The following BFSP1 variants were observed in gnomAD, a reference collection of about 807,000 sequenced individuals.
The protein encoded by BFSP1 is beaded filament structural protein 1.
BFSP1 carries 38 observed loss-of-function variants against 43.9 expected under a neutral mutation model. The ratio of observed to expected loss-of-function variants is 0.87; its 90% confidence interval spans 0.67 to 1.14. The LOEUF (loss-of-function observed/expected upper bound fraction) is 1.14, where lower values mean the gene tolerates loss of function less well. Among genes scored for constraint, BFSP1 ranks in the 50% most tolerant of loss-of-function variants. BFSP1 has a pLI of 0.00. For missense variants in BFSP1, 850 were observed against 875.1 expected (o/e 0.97, Z 0.36); for synonymous variants, 352 against 354.8 (o/e 0.99, Z 0.09).
intron 5 of BFSP1, among the ~76,000 whole-genome samples, chr20:17,499,242 ATTTTTTTT>A (rs11339300): frequency 7.7e-6 from 1 of 129,632 alleles, no homozygotes; most frequent in African/African-American, 2.8e-5. Context: ...TCCTTACACA[ATTTTTTTT>A]TTTTTTTTTT....
At chr20:17,519,724 A>G (rs2034278988) in intron 2 of BFSP1, among the ~76,000 whole-genome samples, 1 of 152,188 alleles carries the variant, frequency 6.6e-6, no homozygotes, top group Non-Finnish European at 1.5e-5. Context: ...GTCAATATGT[A>G]TTCTTAAAAT....
In BFSP1 at chr20:17,531,269, C is replaced by A. The variant is rs996305718; in HGVS notation, c.61G>T (p.Ala21Ser). ...RKEQYEHADE[A>S]SRAAEPERPA... is the part of the protein sequence containing the mutation. ...CGCTCGGGCTCGGCGGCGCGCGAAG[C>A]CTCGTCGGCGTGCTCGTACTGCTCC... The change falls in exon 1 of 8, where the codon GCT becomes TCT. Residue 21 changes from alanine (A) to serine (S), a missense_variant. Physicochemically the swap from Ala to Ser is moderately conservative, Grantham distance 99. Coordinates refer to ENST00000377873, the MANE Select transcript of BFSP1 (RefSeq NM_001195.5). The A allele has an allele frequency of 3.4e-6, 5 of 1,452,332 alleles. No individual in the cohort carries two copies. In the African/African-American group the frequency reaches 7.3e-5, roughly 21 times the overall value. 90.0% of individuals were successfully genotyped at this position (1,452,332 alleles called of 1,614,324 possible).
At chr20:17,509,767 C>T (rs56246240) in intron 4 of BFSP1, among the ~76,000 whole-genome samples, 5,647 of 152,290 alleles carry the variant, frequency 0.037, 141 homozygotes, top group Non-Finnish European at 0.061. Context: ...GGAAGTGACG[C>T]TCCAGGGAAT....
chr20:17,534,185 C>T (rs897373072), upstream of BFSP1, among the ~76,000 whole-genome samples: 1 of 152,148 alleles, frequency 6.6e-6, no homozygotes, highest in African/African-American at 2.4e-5. Context: ...GAGACATGTT[C>T]GTAGAGATAG....
chr20:17,498,767 A>G (rs906985732), intron 6 of BFSP1, 53 bp downstream of exon 6: 4 of 1,575,514 alleles, frequency 2.5e-6, no homozygotes, highest in East Asian at 2.3e-5. Context: ...TAGGCACTCA[A>G]TAAAGAGTTG....
chr20:17,510,052 C>T (rs1217867298), intron 4 of BFSP1, among the ~76,000 whole-genome samples: 2 of 152,212 alleles, frequency 1.3e-5, no homozygotes, highest in African/African-American at 4.8e-5. Context: ...CATAGACATA[C>T]AGGAAAGTGA....
chr20:17,530,008 G>A (rs887719768), intron 1 of BFSP1, among the ~76,000 whole-genome samples: 3 of 152,284 alleles, frequency 2.0e-5, no homozygotes, highest in Non-Finnish European at 2.9e-5. Flanking sequence ...CTGTGGGAGG[G>A]GAGACCATGC....
intron 6 of BFSP1, 65 bp from the exon 7 acceptor site, chr20:17,497,088 T>C (rs2033652560): frequency 7.7e-7 from 1 of 1,298,810 alleles, no homozygotes; most frequent in South Asian, 1.5e-5. Context: ...CTCTCGTTAA[T>C]GTTGAGCAAA....
intron 1 of BFSP1, among the ~76,000 whole-genome samples, chr20:17,553,892 T>A (rs2034948973): frequency 6.9e-6 from 1 of 145,196 alleles, no homozygotes; most frequent in East Asian, 2.0e-4. Context: ...TATACACACA[T>A]ATATATTTCT....
chr20:17,537,313 C>G (rs984705290), intron 1 of BFSP1, among the ~76,000 whole-genome samples: 13 of 152,148 alleles, frequency 8.5e-5, no homozygotes, highest in African/African-American at 3.1e-4. Flanking sequence ...AGCCAGGCCT[C>G]TCCATGAGGC....
chr20:17,564,774 A>G (rs935741930), intron 1 of BFSP1, among the ~76,000 whole-genome samples: 1 of 152,092 alleles, frequency 6.6e-6, no homozygotes, highest in Non-Finnish European at 1.5e-5. Flanking sequence ...TTTTTAGTAG[A>G]GACGGGGTTT....
chr20:17,509,248 AC>A (rs1488015295), intron 4 of BFSP1, among the ~76,000 whole-genome samples: 3,972 of 67,058 alleles, frequency 0.059, 66 homozygotes, highest in South Asian at 0.18. Context: ...CAGAGCCCCC[AC>A]CCCCACCCCC....
chr20:17,562,452 G>C (rs1282190116), upstream of BFSP1, among the ~76,000 whole-genome samples: 1 of 149,994 alleles, frequency 6.7e-6, no homozygotes, highest in African/African-American at 2.5e-5. Context: ...GCTTAAGCCT[G>C]GGAGGTGGAG....
At chr20:17,547,667 C>T (rs2034825224) in intron 1 of BFSP1, among the ~76,000 whole-genome samples, 1 of 151,966 alleles carries the variant, frequency 6.6e-6, no homozygotes, top group South Asian at 2.1e-4. Context: ...GAAAACCAGC[C>T]TCCTGCTGTC....
chr20:17,496,093 A>G (rs2123448796), intron 7 of BFSP1, among the ~76,000 whole-genome samples: 1 of 152,330 alleles, frequency 6.6e-6, no homozygotes, highest in Non-Finnish European at 1.5e-5. Flanking sequence ...CAAATTATTA[A>G]GAACTTCAGA....
chr20:17,549,299 A>C (rs1309376285), intron 1 of BFSP1, among the ~76,000 whole-genome samples: 1 of 152,154 alleles, frequency 6.6e-6, no homozygotes, highest in Non-Finnish European at 1.5e-5. Context: ...AGACTGAGTA[A>C]TCTATAAAGA....
chr20:17,495,538 G>A (rs1295961548), intron 7 of BFSP1, among the ~76,000 whole-genome samples: 4 of 152,162 alleles, frequency 2.6e-5, no homozygotes, highest in Non-Finnish European at 4.4e-5. Context: ...GATGGAACCC[G>A]TTCACGGTGG....
chr20:17,532,764 A>G (rs1328359454), upstream of BFSP1, among the ~76,000 whole-genome samples: 1 of 152,182 alleles, frequency 6.6e-6, no homozygotes, highest in African/African-American at 2.4e-5. Flanking sequence ...ATGTTTCTGA[A>G]TGTAAATATT....
At chr20:17,538,668 T>C (rs931800896) in intron 1 of BFSP1, among the ~76,000 whole-genome samples, 5 of 152,208 alleles carry the variant, frequency 3.3e-5, no homozygotes, top group Non-Finnish European at 5.9e-5. Context: ...CCTTGAGACA[T>C]TGTCGTACCA....
Sources: gnomAD v4.1 joint callset for allele counts (sites outside exome capture counted in the v4.1 genomes callset) on GRCh38, gnomAD v4.1.1 for gene constraint, MANE v1.5 for transcripts, NCBI Gene and HGNC (gene_info 2026-07-23, HGNC 2026-07-21) for gene names.